C3orf52: variants seen among roughly 807,000 people sequenced by gnomAD.
The protein encoded by C3orf52 is TPA-induced transmembrane protein.
A neutral mutation model predicts 24.8 loss-of-function variants in C3orf52; 22 were observed. That is an observed-to-expected ratio of 0.89 (90% CI 0.63 to 1.27). C3orf52 has a LOEUF of 1.27. Among genes scored for constraint, C3orf52 ranks in the 50% most tolerant of loss-of-function variants. The probability of loss-of-function intolerance (pLI) is 0.00; values close to 1 mark genes in which losing one functional copy is unlikely to be tolerated. For missense variants in C3orf52, 265 were observed against 260.7 expected (o/e 1.02, Z -0.11); for synonymous variants, 93 against 100.2 (o/e 0.93, Z 0.43).
intron 1 of C3orf52, among the ~76,000 whole-genome samples, 159 bp downstream of exon 1, chr3:112,086,704 C>T (rs2073830543): frequency 6.6e-6 from 1 of 152,110 alleles, no homozygotes; most frequent in Non-Finnish European, 1.5e-5. Flanking sequence ...AGCCGAGTCA[C>T]CGCGACACCT....
intron 2 of C3orf52, among the ~76,000 whole-genome samples, chr3:112,101,978 G>A (rs1468666065): frequency 2.6e-5 from 4 of 152,162 alleles, no homozygotes; most frequent in Non-Finnish European, 4.4e-5. Context: ...TTAGATGGCA[G>A]TCATTAAACA....
downstream of C3orf52, chr3:112,133,157 T>G (rs1192835186): frequency 1.2e-6 from 2 of 1,612,312 alleles, no homozygotes; most frequent in Non-Finnish European, 1.7e-6. Flanking sequence ...TCCGTCCCTT[T>G]ACCACTTCCT....
chr3:112,123,630 A>G, intron 4 of C3orf52: 1 of 1,614,136 alleles, frequency 6.2e-7, no homozygotes, highest in Non-Finnish European at 8.5e-7. Flanking sequence ...AGTTCCTCCC[A>G]AGGACTCTCT....
intron 4 of C3orf52, among the ~76,000 whole-genome samples, chr3:112,124,374 C>A (rs768532498): frequency 1.3e-5 from 2 of 152,068 alleles, no homozygotes; most frequent in African/African-American, 2.4e-5. Flanking sequence ...TTTGGGAGGC[C>A]GAAGTGGGTG....
At chr3:112,118,770 G>A (rs983475091), downstream of C3orf52, among the ~76,000 whole-genome samples, 3 of 152,172 alleles carry the variant, frequency 2.0e-5, no homozygotes, top group African/African-American at 4.8e-5. Flanking sequence ...ACATAGTGAG[G>A]TTTTAATAAT....
chr3:112,117,024 C>T lies in C3orf52; in HGVS notation c.*378C>T, dbSNP rs1472512503. On this transcript the variant is annotated 3_prime_UTR_variant, in exon 6 of 6. Coordinates refer to ENST00000264848, the MANE Select transcript of C3orf52 (RefSeq NM_024616.3). ...CTGGAGTGCGGTGGCGTGATCATGG[C>T]ACTGCTATTCTTGAAGCACTCCACC... is the stretch of plus-strand genomic sequence containing the variant. 2 of 1,135,264 alleles carry T rather than the reference C, an allele frequency of 1.8e-6. No homozygotes were observed. Among genetic ancestry groups the T allele is most frequent in the Non-Finnish European group, 2.5e-6 (2 of 806,960 alleles). 70.3% of individuals were successfully genotyped at this position (1,135,264 alleles called of 1,614,324 possible).
downstream of C3orf52, among the ~76,000 whole-genome samples, chr3:112,135,688 G>A (rs1170049849): frequency 6.6e-6 from 1 of 152,160 alleles, no homozygotes; most frequent in South Asian, 2.1e-4. Flanking sequence ...ACAGAAAGCA[G>A]CCCTGGACAG....
intron 2 of C3orf52, among the ~76,000 whole-genome samples, chr3:112,098,086 GAT>G (rs1214436472): frequency 1.3e-5 from 2 of 152,148 alleles, no homozygotes; most frequent in East Asian, 3.8e-4. Flanking sequence ...ACTTCATTTA[GAT>G]ATGTGTTTTT....
chr3:112,135,654 A>G (rs1576179382), downstream of C3orf52, among the ~76,000 whole-genome samples: 1 of 152,318 alleles, frequency 6.6e-6, no homozygotes, highest in South Asian at 2.1e-4. Context: ...ATAAAAACAC[A>G]CAAGACTCAC....
intron 1 of C3orf52, among the ~76,000 whole-genome samples, chr3:112,087,253 A>C (rs2073838319): frequency 6.6e-6 from 1 of 152,170 alleles, no homozygotes; most frequent in South Asian, 2.1e-4. Flanking sequence ...TCGAAGGTTG[A>C]GACTTCGCCC....
intron 4 of C3orf52, among the ~76,000 whole-genome samples, chr3:112,125,475 C>G (rs145170299): frequency 2.9e-4 from 44 of 152,310 alleles, no homozygotes; most frequent in African/African-American, 1.0e-3. Flanking sequence ...GGGGGAGACA[C>G]ATTTGGTTAG....
downstream of C3orf52, chr3:112,130,359 C>G: frequency 2.9e-6 from 3 of 1,038,826 alleles, no homozygotes; most frequent in South Asian, 2.5e-5. Context: ...AGGGCCCTCT[C>G]TCACTGGGAT....
rs1158351124 is a variant in C3orf52, at chr3:112,113,150, G to A, written c.649+5G>A. 8.8e-6 allele frequency: 14 copies of A among 1,583,696 alleles called. No homozygotes were observed. Among genetic ancestry groups the A allele is most frequent in the Admixed American group, 1.8e-5 (1 of 54,712 alleles). On this transcript the variant is annotated splice_donor_5th_base_variant and intron_variant, in intron 5 of 5. Coordinates refer to ENST00000264848, the MANE Select transcript of C3orf52 (RefSeq NM_024616.3). ...CAACATCCCTCTTGCTCTATGGTAA[G>A]TAGAGCAAGTAAAGAAGTCAGAGTT... is the stretch of plus-strand genomic sequence containing the variant.
downstream of C3orf52, among the ~76,000 whole-genome samples, chr3:112,120,224 G>T (rs1396076653): frequency 6.6e-6 from 1 of 152,206 alleles, no homozygotes; most frequent in Non-Finnish European, 1.5e-5. Flanking sequence ...CTGAATTGAG[G>T]CTATAGGCTT....
At chr3:112,112,687 G>A in intron 4 of C3orf52, 1 of 425,316 alleles carries the variant, frequency 2.4e-6, no homozygotes, top group East Asian at 5.1e-5. Flanking sequence ...CTGGAGATGG[G>A]CACCTCTACC....
chr3:112,133,150 G>A (rs76741797), downstream of C3orf52: 46,964 of 1,611,852 alleles, frequency 0.029, 870 homozygotes, highest in South Asian at 0.063. Flanking sequence ...CTTCCCCTCC[G>A]TCCCTTTACC....
At chr3:112,121,719 T>C (rs574828437), downstream of C3orf52, 1 of 152,360 alleles carries the variant, frequency 6.6e-6, no homozygotes, top group Admixed American at 6.5e-5. Flanking sequence ...GATACCAAGA[T>C]GCAGCTGGCT....
chr3:112,133,381 G>A (rs966206484), downstream of C3orf52: 12 of 429,542 alleles, frequency 2.8e-5, no homozygotes, highest in Admixed American at 4.2e-5. Flanking sequence ...GCAACTACCC[G>A]TCAATGAGAG....
rs190265271 is a variant in C3orf52, at chr3:112,103,257, A to G, written c.396+292A>G. On this transcript the variant is annotated intron_variant, in intron 3 of 5. Coordinates refer to ENST00000264848, the MANE Select transcript of C3orf52 (RefSeq NM_024616.3). ...GAGAGGAGCAGGAAAAAAAGTAACT[A>G]TTGGGTACTAGGCTTAGTACCTGGG... Among the ~76,000 whole-genome samples the G allele has an allele frequency of 1.9e-3, 283 of 152,276 alleles. 2 individuals are homozygous for G. In the Middle Eastern group the frequency reaches 0.024, roughly 13 times the overall value.
Sources: gnomAD v4.1 joint callset for allele counts (sites outside exome capture counted in the v4.1 genomes callset) on GRCh38, gnomAD v4.1.1 for gene constraint, MANE v1.5 for transcripts, NCBI Gene and HGNC (gene_info 2026-07-23, HGNC 2026-07-21) for gene names.